Variants in YTHDC2 observed in about 807,000 individuals in gnomAD.
YTHDC2 encodes YTH N6-methyladenosine RNA binding protein C2.
In YTHDC2, 45 loss-of-function variants were observed where a neutral mutation model predicts 174.9. The observed-to-expected ratio is 0.26, with a 90% confidence interval of 0.20 to 0.33. The LOEUF (loss-of-function observed/expected upper bound fraction) is 0.33. Among genes scored for constraint, YTHDC2 ranks in the 10% least tolerant of loss-of-function variants. YTHDC2 has a pLI of 1.00. For synonymous variants in YTHDC2, 657 were observed against 574.5 expected, an observed-to-expected ratio of 1.14 and a Z score of -2.05; for missense variants, 1,650 against 1,723.7, an observed-to-expected ratio of 0.96 and a Z score of 0.76.
chr5:113,573,724 C>A (rs1339614305), intron 23 of YTHDC2, among the ~76,000 whole-genome samples: 1 of 152,104 alleles, frequency 6.6e-6, no homozygotes, highest in Admixed American at 6.6e-5. Context: ...AGACGGTCTT[C>A]AAGCTCTGAG....
At chr5:113,561,043 C>A in intron 17 of YTHDC2, 37 bp from the exon 18 acceptor site, 1 of 1,528,194 alleles carries the variant, frequency 6.5e-7, no homozygotes. Context: ...AGCCTTTATT[C>A]GTTGTTTGAG....
rs192037802 is a variant in YTHDC2, at chr5:113,554,239, T to G, written c.2133+217T>G. On this transcript the variant is annotated intron_variant, in intron 16 of 29. Coordinates refer to ENST00000161863, the MANE Select transcript of YTHDC2 (RefSeq NM_022828.5). The stretch of plus-strand genomic sequence containing the variant: ...TATTGATTTTACTAAATATTCTGCC[T>G]TAAATAATTCAGTATATAGAATCAA... Among the ~76,000 whole-genome samples, 89 of 152,072 alleles carry G rather than the reference T, an allele frequency of 5.9e-4. 1 individual carries two copies. The highest frequency in any genetic ancestry group is 2.0e-3 in the African/African-American group (83 of 41,568).
At chr5:113,563,616 A>G (rs1053756293) in intron 19 of YTHDC2, 124 bp downstream of exon 19, 38 of 1,131,300 alleles carry the variant, frequency 3.4e-5, no homozygotes, top group African/African-American at 4.7e-5. Context: ...ATGTGTCCAG[A>G]TAAACTAATT....
intron 8 of YTHDC2, 112 bp downstream of exon 8, chr5:113,539,293 G>A: frequency 2.3e-6 from 1 of 433,058 alleles, no homozygotes; most frequent in Non-Finnish European, 4.1e-6. Flanking sequence ...TTTTTCTCTT[G>A]TATATAATTG....
intron 4 of YTHDC2, among the ~76,000 whole-genome samples, chr5:113,531,518 C>G (rs1173773746): frequency 6.6e-6 from 1 of 152,048 alleles, no homozygotes; most frequent in East Asian, 1.9e-4. Flanking sequence ...AGTAAACAAG[C>G]TGTTTAGATA....
At position 113,532,974 on chromosome 5, in the gene YTHDC2, T is replaced by C. The variant is rs1377249376; in HGVS notation, c.771T>C (p.Ala257=). 1 of 1,614,192 alleles carries C rather than the reference T, an allele frequency of 6.2e-7. No individual in the cohort carries two copies. The highest frequency in any genetic ancestry group is 1.3e-5 in the African/African-American group (1 of 75,056). ...QPRRLAAIAV[A]ERVAAERRER... ...GACGATTGGCAGCTATCGCTGTGGC[T>C]GAAAGAGTTGCCGCAGAGAGACGGG... Residue 257 remains alanine, a synonymous_variant, in exon 5 of 30, where the codon GCT becomes GCC. Transcript: ENST00000161863.
chr5:113,520,077 G>C (rs1279070293), intron 2 of YTHDC2, among the ~76,000 whole-genome samples: 1 of 151,988 alleles, frequency 6.6e-6, no homozygotes, highest in Non-Finnish European at 1.5e-5. Context: ...ACAGGCCCCT[G>C]TGTGTGATGT....
intron 17 of YTHDC2, among the ~76,000 whole-genome samples, chr5:113,560,808 A>G (rs904918094): frequency 2.6e-5 from 4 of 152,124 alleles, no homozygotes; most frequent in Non-Finnish European, 2.9e-5. Flanking sequence ...GCTCACTTTT[A>G]TATGTATGCT....
chr5:113,570,373 A>G (rs936445160), intron 23 of YTHDC2, among the ~76,000 whole-genome samples: 8 of 152,146 alleles, frequency 5.3e-5, no homozygotes, highest in African/African-American at 1.2e-4. Flanking sequence ...AAGTGCTGCA[A>G]TTACAGGCGT....
At chr5:113,549,866 C>T (rs1580553045) in intron 12 of YTHDC2, among the ~76,000 whole-genome samples, 1 of 151,624 alleles carries the variant, frequency 6.6e-6, no homozygotes, top group East Asian at 1.9e-4. Context: ...TCAAGAACAG[C>T]AACTAGATGT....
chr5:113,576,423 AGT>A (rs1282189993), intron 23 of YTHDC2, among the ~76,000 whole-genome samples: 2 of 152,146 alleles, frequency 1.3e-5, no homozygotes, highest in Non-Finnish European at 2.9e-5. Flanking sequence ...CATCTTCATC[AGT>A]GTGTCCTTTT....
rs1385878030 is a variant in YTHDC2, at chr5:113,592,171, A to T, written c.4205A>T (p.Asp1402Val). 6.2e-7 allele frequency: 1 copy of T among 1,605,634 alleles called. No homozygotes were observed. Among genetic ancestry groups the T allele is most frequent in the South Asian group, 1.1e-5 (1 of 89,486 alleles). Residue 1402 changes from aspartate (D) to valine (V), a missense_variant, in exon 28 of 30, where the codon GAT (aspartate) becomes GTT (valine). Asp to Val is a radical substitution (Grantham distance 152). Around this residue, in one of 5 missense-constraint regions of YTHDC2, gnomAD observed 913 missense variants for 940.4 expected, o/e 0.97. Coordinates refer to ENST00000161863, the MANE Select transcript of YTHDC2 (RefSeq NM_022828.5). ...NDNKKVQISRDGQELEPLVGE... is the reference protein window; with the variant it reads ...NDNKKVQISRVGQELEPLVGE... ...AACAAGAAAGTGCAGATAAGCAGGG[A>T]TGGGCAGGTATACAATGGCATTTTT...
chr5:113,551,479 T>G (rs952625186), intron 12 of YTHDC2, among the ~76,000 whole-genome samples: 2 of 152,150 alleles, frequency 1.3e-5, no homozygotes, highest in African/African-American at 4.8e-5. Context: ...ATATAATGTC[T>G]TCTTCATTTA....
intron 2 of YTHDC2, among the ~76,000 whole-genome samples, chr5:113,519,136 G>C (rs1325069000): frequency 6.6e-6 from 1 of 152,028 alleles, no homozygotes; most frequent in Non-Finnish European, 1.5e-5. Flanking sequence ...GCCGCCCAAA[G>C]TATTGGGATT....
At chr5:113,522,740 C>T (rs1476051240) in intron 2 of YTHDC2, among the ~76,000 whole-genome samples, 1 of 152,136 alleles carries the variant, frequency 6.6e-6, no homozygotes, top group Admixed American at 6.5e-5. Flanking sequence ...TTTCCATCCT[C>T]ACAACAATGA....
chr5:113,547,605 G>T (rs1438336106), intron 10 of YTHDC2, among the ~76,000 whole-genome samples: 1 of 131,260 alleles, frequency 7.6e-6, no homozygotes, highest in Non-Finnish European at 1.5e-5. Flanking sequence ...GGGACATATG[G>T]GATATACTTT....
chr5:113,545,703 A>AT (rs1356895299), intron 10 of YTHDC2, among the ~76,000 whole-genome samples: 1 of 118,196 alleles, frequency 8.5e-6, no homozygotes. Context: ...CTCATTATTG[A>AT]TTTTTTGAAA....
chr5:113,530,126 T>C (rs1248498937), intron 4 of YTHDC2, among the ~76,000 whole-genome samples: 1 of 152,210 alleles, frequency 6.6e-6, no homozygotes, highest in Non-Finnish European at 1.5e-5. Flanking sequence ...TTTATTCTAA[T>C]AGTTTTATAT....
At chr5:113,578,319 C>T (rs557872188) in intron 23 of YTHDC2, among the ~76,000 whole-genome samples, 1 of 152,176 alleles carries the variant, frequency 6.6e-6, no homozygotes, top group African/African-American at 2.4e-5. Context: ...CCTTAGCCTC[C>T]TGAGTAGCTG....
Sources: gnomAD v4.1 joint callset for allele counts (sites outside exome capture counted in the v4.1 genomes callset) on GRCh38, gnomAD v4.1.1 for gene constraint, gnomAD v4.1.1 regional missense constraint, MANE v1.5 for transcripts, NCBI Gene and HGNC (gene_info 2026-07-23, HGNC 2026-07-21) for gene names.